ROBO2: variants seen among roughly 807,000 people sequenced by gnomAD.
ROBO2 encodes roundabout homolog 2.
In ROBO2, 53 loss-of-function variants were observed where a neutral mutation model predicts 160.8. The observed-to-expected ratio is 0.33, with a 90% CI of 0.26 to 0.41. The LOEUF (loss-of-function observed/expected upper bound fraction) is 0.41. ROBO2 is among the 10% of genes least tolerant of loss of function. The pLI, the probability that ROBO2 is intolerant of heterozygous loss-of-function variation, is 1.00. For missense variants in ROBO2, 1,577 were observed against 1,722.4 expected, an observed-to-expected ratio of 0.92 and a Z score of 1.49; for synonymous variants, 664 against 611.7, an observed-to-expected ratio of 1.09 and a Z score of -1.26.
chr3:76,483,971 G>A (rs1417020647), intron 2 of ROBO2, among the ~76,000 whole-genome samples: 2 of 152,122 alleles, frequency 1.3e-5, no homozygotes, highest in Non-Finnish European at 2.9e-5. Flanking sequence ...ATCACTGATG[G>A]TCATTTAGGT....
At chr3:76,156,913 A>C (rs1409927298) in intron 2 of ROBO2, among the ~76,000 whole-genome samples, 2 of 152,240 alleles carry the variant, frequency 1.3e-5, no homozygotes, top group Non-Finnish European at 2.9e-5. Flanking sequence ...TGGAAGTTGC[A>C]GTGAGCCAAG....
intron 2 of ROBO2, among the ~76,000 whole-genome samples, chr3:76,323,172 C>CACACACAT (rs1255959656): frequency 1.3e-5 from 2 of 151,428 alleles, no homozygotes; most frequent in Non-Finnish European, 3.0e-5. Context: ...CACACACACA[C>CACACACAT]ACACCCCTAA....
At chr3:76,797,450 A>G (rs567734383) in intron 2 of ROBO2, among the ~76,000 whole-genome samples, 1 of 152,232 alleles carries the variant, frequency 6.6e-6, no homozygotes, top group African/African-American at 2.4e-5. Context: ...TACTAAGAGG[A>G]AAGTTTATAG....
chr3:77,420,781 T>C (rs796841179), intron 2 of ROBO2, among the ~76,000 whole-genome samples: 10 of 152,264 alleles, frequency 6.6e-5, no homozygotes, highest in African/African-American at 2.4e-4. Flanking sequence ...AGAATGGAAG[T>C]GATTTGAAGA....
At chr3:77,028,900 T>C (rs1270681944) in intron 2 of ROBO2, among the ~76,000 whole-genome samples, 1 of 152,200 alleles carries the variant, frequency 6.6e-6, no homozygotes, top group African/African-American at 2.4e-5. Context: ...ATATCCTTCT[T>C]TCTTTCCAAT....
At chr3:75,914,010 C>T (rs1022891144) in intron 1 of ROBO2, among the ~76,000 whole-genome samples, 1 of 152,130 alleles carries the variant, frequency 6.6e-6, no homozygotes, top group Non-Finnish European at 1.5e-5. Context: ...AAGATAGATT[C>T]GTTTTCCCCT....
intron 2 of ROBO2, among the ~76,000 whole-genome samples, chr3:75,944,553 T>TAC (rs1012947483): frequency 2.0e-5 from 3 of 152,294 alleles, no homozygotes; most frequent in African/African-American, 7.2e-5. Flanking sequence ...ATAAAGGCTG[T>TAC]ACACAGTGTT....
intron 1 of ROBO2, among the ~76,000 whole-genome samples, chr3:77,054,928 A>ATGTGTGTGTGTGTGTGTG (rs574557375): frequency 8.8e-6 from 1 of 113,078 alleles, no homozygotes; most frequent in Admixed American, 8.8e-5. Flanking sequence ...TCTCGCGTGT[A>ATGTGTGTGTGTGTGTGTG]TGTGTGTGTG....
chr3:77,166,788 T>C (rs565163009), intron 2 of ROBO2, among the ~76,000 whole-genome samples: 7 of 152,296 alleles, frequency 4.6e-5, no homozygotes, highest in African/African-American at 1.7e-4. Context: ...CTCGATCTCC[T>C]GACCTCGTGA....
At chr3:76,593,648 A>C (rs1225782826) in intron 2 of ROBO2, among the ~76,000 whole-genome samples, 3 of 152,172 alleles carry the variant, frequency 2.0e-5, no homozygotes, top group African/African-American at 7.2e-5. Context: ...TGATGAATGA[A>C]TGTACTTTAT....
chr3:76,249,212 G>A (rs914165988), intron 2 of ROBO2, among the ~76,000 whole-genome samples: 1 of 152,066 alleles, frequency 6.6e-6, no homozygotes, highest in South Asian at 2.1e-4. Flanking sequence ...ACTTAGTGTA[G>A]TAAGAAAGAA....
At chr3:77,413,180 T>TA (rs142110011) in intron 2 of ROBO2, among the ~76,000 whole-genome samples, 3,751 of 151,002 alleles carry the variant, frequency 0.025, 162 homozygotes, top group African/African-American at 0.085. Flanking sequence ...TAATAGACAA[T>TA]AAACAAGGCA....
chr3:76,029,087 T>C (rs2066835854), intron 2 of ROBO2, among the ~76,000 whole-genome samples: 1 of 152,050 alleles, frequency 6.6e-6, no homozygotes, highest in African/African-American at 2.4e-5. Context: ...ATATTATTCT[T>C]ATGACAGTTT....
intron 21 of ROBO2, among the ~76,000 whole-genome samples, chr3:77,615,433 C>T (rs1415862272): frequency 6.6e-6 from 1 of 152,156 alleles, no homozygotes; most frequent in Non-Finnish European, 1.5e-5. Context: ...CATGTATCCA[C>T]CATTATTTTA....
At chr3:76,530,384 C>T (rs2082160539) in intron 2 of ROBO2, among the ~76,000 whole-genome samples, 1 of 152,136 alleles carries the variant, frequency 6.6e-6, no homozygotes, top group Admixed American at 6.5e-5. Flanking sequence ...ACTCTATTAC[C>T]AGGCAGACAG....
At chr3:76,342,953 A>G (rs1047226726) in intron 2 of ROBO2, among the ~76,000 whole-genome samples, 3 of 152,142 alleles carry the variant, frequency 2.0e-5, no homozygotes, top group Admixed American at 6.6e-5. Flanking sequence ...TGATTATTAT[A>G]TAGTTATAAC....
At chr3:77,239,939 A>G (rs772030996) in intron 2 of ROBO2, among the ~76,000 whole-genome samples, 1 of 152,202 alleles carries the variant, frequency 6.6e-6, no homozygotes, top group Non-Finnish European at 1.5e-5. Flanking sequence ...CAAGCTAGAC[A>G]CAGAGTGCTG....
intron 2 of ROBO2, among the ~76,000 whole-genome samples, chr3:76,308,394 A>AAG (rs1025423515): frequency 1.3e-4 from 19 of 150,800 alleles, no homozygotes; most frequent in East Asian, 5.8e-4. Flanking sequence ...AAAAAAAAAA[A>AAG]AAAGAAAGAA....
rs150558777 is a variant in ROBO2 at position 77,585,882 on chromosome 3, C to T, written c.2501-2869C>T. 2.7e-4 allele frequency among the ~76,000 whole-genome samples: 41 copies of T among 152,150 alleles called. 1 individual carries two copies. Among genetic ancestry groups the T allele is most frequent in the African/African-American group, 4.6e-4 (19 of 41,538 alleles). The stretch of plus-strand genomic sequence containing the variant: ...CCCATTGTCTATTCAGAACTGGAAA[C>T]GGCACTTGAAGTGACTCAAACTGTA... On this transcript the variant is annotated intron_variant, in intron 16 of 25. Transcript: ENST00000461745.
Sources: allele counts gnomAD v4.1 joint callset (sites outside exome capture counted in the v4.1 genomes callset), GRCh38; gene constraint gnomAD v4.1.1; transcripts MANE v1.5; gene names NCBI Gene and HGNC (gene_info 2026-07-23, HGNC 2026-07-21).